PRR5: variants seen among roughly 807,000 people sequenced by gnomAD.
The protein encoded by PRR5 is proline-rich protein 5.
Under a neutral mutation model 30.6 loss-of-function variants are expected in PRR5, and 25 were observed. That is an observed-to-expected ratio of 0.82 (90% CI 0.60 to 1.14). PRR5 has a LOEUF of 1.14. Among genes scored for constraint, PRR5 ranks in the 50% most tolerant of loss-of-function variants. The pLI is 0.00. For missense variants in PRR5, 600 were observed against 547.1 expected, an observed-to-expected ratio of 1.10 and a Z score of -0.96; for synonymous variants, 286 against 247.1, an observed-to-expected ratio of 1.16 and a Z score of -1.48.
intron 1 of PRR5, among the ~76,000 whole-genome samples, chr22:44,687,249 C>T (rs1218088454): frequency 6.6e-6 from 1 of 152,216 alleles, no homozygotes; most frequent in East Asian, 1.9e-4. Flanking sequence ...AATCGGGAAA[C>T]CCATCGCTTC....
chr22:44,672,548 C>T (rs915371035), upstream of PRR5, among the ~76,000 whole-genome samples: 2 of 152,200 alleles, frequency 1.3e-5, no homozygotes, highest in Admixed American at 1.3e-4. Context: ...CACGTGCCTG[C>T]ACTCCAGCCT....
At chr22:44,714,468 A>G in intron 1 of PRR5, 123 bp from the exon 2 acceptor site, 3 of 1,352,206 alleles carry the variant, frequency 2.2e-6, no homozygotes, top group Non-Finnish European at 2.0e-6. Flanking sequence ...GGGTGTGAGC[A>G]GGGTCCTGCA....
intron 2 of PRR5, 131 bp from the exon 3 acceptor site, chr22:44,725,113 C>T: frequency 7.3e-7 from 1 of 1,365,046 alleles, no homozygotes; most frequent in Non-Finnish European, 1.0e-6. Flanking sequence ...GACCTGTCCA[C>T]TACCCATGTT....
At chr22:44,711,333 G>A (rs1470456471) in intron 1 of PRR5, among the ~76,000 whole-genome samples, 4 of 152,160 alleles carry the variant, frequency 2.6e-5, no homozygotes, top group Non-Finnish European at 4.4e-5. Context: ...CCAGGCAGAG[G>A]GAACAGCAGG....
chr22:44,722,671 T>C (rs1438956732), intron 2 of PRR5, among the ~76,000 whole-genome samples: 1 of 152,180 alleles, frequency 6.6e-6, no homozygotes. Context: ...TCACTGTGTT[T>C]GGGGGGATGG....
chr22:44,695,773 G>T (rs1041129168), intron 1 of PRR5, among the ~76,000 whole-genome samples: 4 of 151,586 alleles, frequency 2.6e-5, no homozygotes, highest in African/African-American at 9.7e-5. Context: ...TAATTTTTTT[G>T]TATTTTTAGT....
At chr22:44,687,964 G>A (rs550459131) in intron 1 of PRR5, among the ~76,000 whole-genome samples, 58 of 151,834 alleles carry the variant, frequency 3.8e-4, no homozygotes, top group African/African-American at 1.3e-3. Context: ...TAGTAGAGAC[G>A]GGGTTTCACC....
At chr22:44,677,814 C>G (rs1271791441) in intron 1 of PRR5, among the ~76,000 whole-genome samples, 1 of 152,244 alleles carries the variant, frequency 6.6e-6, no homozygotes, top group Non-Finnish European at 1.5e-5. Flanking sequence ...TCAGGATAAA[C>G]TTGGCTTTTT....
At chr22:44,721,711 G>T (rs1929959055) in intron 2 of PRR5, among the ~76,000 whole-genome samples, 1 of 152,166 alleles carries the variant, frequency 6.6e-6, no homozygotes, top group Non-Finnish European at 1.5e-5. Flanking sequence ...ACCTCCTGCT[G>T]TATGTTCACA....
chr22:44,714,442 G>A (rs1031098682), intron 1 of PRR5, 149 bp from the exon 2 acceptor site: 5 of 1,111,102 alleles, frequency 4.5e-6, no homozygotes, highest in African/African-American at 1.6e-5. Context: ...GGGGTGCAGG[G>A]CCTCGGAGTT....
chr22:44,688,243 G>A (rs141431373), intron 1 of PRR5, among the ~76,000 whole-genome samples: 2,442 of 152,034 alleles, frequency 0.016, 72 homozygotes, highest in African/African-American at 0.056. Flanking sequence ...AATTAGCCGG[G>A]TGTGGTGGTG....
chr22:44,731,368 C>T (rs929980406), intron 4 of PRR5: 3 of 364,702 alleles, frequency 8.2e-6, no homozygotes, highest in Non-Finnish European at 1.6e-5. Flanking sequence ...AGGTGTATAC[C>T]TGTGTGGCTC....
Position 44,736,925 on chromosome 22 carries a change from C to G in PRR5, c.845C>G (p.Ser282Cys). The change falls in exon 8 of 8, where the codon TCT becomes TGT. Residue 282 changes from serine (S) to cysteine (C), a missense_variant. By Grantham distance (112) the Ser-to-Cys change is moderately radical. Coordinates refer to ENST00000336985, the MANE Select transcript of PRR5 (RefSeq NM_181333.4). ...AAGGTSIRRHSVSEMTSCPEP... is the reference protein window; with the variant it reads ...AAGGTSIRRHCVSEMTSCPEP... ...GGCGGTACCAGCATCCGCAGGCACT[C>G]TGTGTCGGAGATGACGTCCTGCCCC... 1 of 1,607,850 alleles carries G rather than the reference C, an allele frequency of 6.2e-7. No individual in the cohort carries two copies. The highest frequency in any genetic ancestry group is 8.5e-7 in the Non-Finnish European group (1 of 1,178,580).
At chr22:44,688,864 T>G (rs148116947) in intron 1 of PRR5, among the ~76,000 whole-genome samples, 2 of 152,214 alleles carry the variant, frequency 1.3e-5, no homozygotes, top group African/African-American at 4.8e-5. Flanking sequence ...GGTGCACGCC[T>G]GTGATCCCAG....
intron 4 of PRR5, chr22:44,730,420 TC>T (rs755245700): frequency 4.1e-6 from 4 of 985,352 alleles, no homozygotes; most frequent in Non-Finnish European, 4.8e-6. Flanking sequence ...TCATCCCAGC[TC>T]CGCTCAGTCC....
chr22:44,676,127 T>C (rs1034214289), upstream of PRR5, among the ~76,000 whole-genome samples: 5 of 151,930 alleles, frequency 3.3e-5, no homozygotes, highest in African/African-American at 4.8e-5. Flanking sequence ...CTCATGTCAG[T>C]AACCCCAGCA....
intron 1 of PRR5, among the ~76,000 whole-genome samples, chr22:44,707,956 C>T (rs957887712): frequency 6.6e-6 from 1 of 152,160 alleles, no homozygotes; most frequent in African/African-American, 2.4e-5. Context: ...ATGCCAGCCT[C>T]GTGCAGGGCC....
chr22:44,720,885 G>C (rs921195849), intron 2 of PRR5, among the ~76,000 whole-genome samples: 6 of 152,202 alleles, frequency 3.9e-5, no homozygotes, highest in African/African-American at 1.2e-4. Flanking sequence ...CCGGAGAGGT[G>C]GCCAGTGGGT....
intron 6 of PRR5, among the ~76,000 whole-genome samples, chr22:44,733,013 GTGCACA>G (rs132403): frequency 0.54 from 82,246 of 151,600 alleles, 25,298 homozygotes; most frequent in Non-Finnish European, 0.68. Flanking sequence ...TACTACACAC[GTGCACA>G]TGCACATACA....
Sources: gnomAD v4.1 joint callset for allele counts (sites outside exome capture counted in the v4.1 genomes callset) on GRCh38, gnomAD v4.1.1 for gene constraint, MANE v1.5 for transcripts, NCBI Gene and HGNC (gene_info 2026-07-23, HGNC 2026-07-21) for gene names.